Variants in NUP88 observed in about 807,000 individuals in gnomAD.
The protein encoded by NUP88 is nuclear pore complex protein Nup88.
A neutral mutation model predicts 93.9 loss-of-function variants in NUP88; 57 were observed. That is an observed-to-expected ratio of 0.61 (90% confidence interval 0.49 to 0.76). The LOEUF (loss-of-function observed/expected upper bound fraction) is 0.76. NUP88 is among the 30% of genes least tolerant of loss of function. The pLI is 0.00. For synonymous variants in NUP88, 346 were observed against 336.8 expected, an observed-to-expected ratio of 1.03 and a Z score of -0.30; for missense variants, 911 against 901.0, an observed-to-expected ratio of 1.01 and a Z score of -0.14.
chr17:5,395,183 C>G (rs1250909155), intron 8 of NUP88, among the ~76,000 whole-genome samples: 2 of 152,176 alleles, frequency 1.3e-5, no homozygotes, highest in Non-Finnish European at 2.9e-5. Context: ...TTCGTAATGT[C>G]TCTGAATGCA....
At chr17:5,412,569 T>C (rs1359774415) in intron 3 of NUP88, among the ~76,000 whole-genome samples, 8 of 152,090 alleles carry the variant, frequency 5.3e-5, no homozygotes, top group South Asian at 2.1e-4. Flanking sequence ...ATTCAGGGCA[T>C]AGAGAACTGA....
chr17:5,416,797 G>T, intron 1 of NUP88, 115 bp from the exon 2 acceptor site: 1 of 838,200 alleles, frequency 1.2e-6, no homozygotes. Context: ...ATAAAACTCT[G>T]GATAAGTACT....
At chr17:5,399,793 G>T in intron 7 of NUP88, 143 bp from the exon 8 acceptor site, 2 of 474,972 alleles carry the variant, frequency 4.2e-6, no homozygotes, top group Non-Finnish European at 3.8e-6. Flanking sequence ...ATTGTTAGGG[G>T]TTTTGAAATT....
At chr17:5,403,620 A>G (rs1273492789) in intron 7 of NUP88, among the ~76,000 whole-genome samples, 1 of 152,140 alleles carries the variant, frequency 6.6e-6, no homozygotes, top group East Asian at 1.9e-4. Flanking sequence ...AGATTGCGCC[A>G]TTAGACTCCA....
Position 5,388,892 on chromosome 17 carries a change from G to A in NUP88, c.1553C>T (p.Pro518Leu), listed in dbSNP as rs1459734079. The A allele has an allele frequency of 1.9e-6, 3 of 1,613,832 alleles. No homozygotes were observed. Among genetic ancestry groups the A allele is most frequent in the Admixed American group, 1.7e-5 (1 of 59,974 alleles). Residue 518 changes from proline (P) to leucine (L), a missense_variant, in exon 11 of 17, where the codon CCC (proline) becomes CTC (leucine). Transcript: ENST00000573584. ...TREDVEVAESPLRVLAETPDS... is the reference protein window; with the variant it reads ...TREDVEVAESLLRVLAETPDS... ...TGGGGTTTCAGCCAGAACACGGAGG[G>A]GAGACTCTGCCACTTCAACATCTTC... is the stretch of plus-strand genomic sequence containing the variant.
chr17:5,407,543 G>A (rs1242935787), intron 5 of NUP88, among the ~76,000 whole-genome samples: 1 of 152,154 alleles, frequency 6.6e-6, no homozygotes, highest in Non-Finnish European at 1.5e-5. Flanking sequence ...TTATGCCTCT[G>A]CAGTTTTCCC....
intron 11 of NUP88, 163 bp from the exon 12 acceptor site, chr17:5,388,067 C>T: frequency 5.2e-6 from 3 of 578,420 alleles, no homozygotes; most frequent in Non-Finnish European, 2.8e-6. Context: ...TTGGTGCTAT[C>T]TCGGCTCACT....
intron 16 of NUP88, 124 bp from the exon 17 acceptor site, chr17:5,386,393 G>A: frequency 2.6e-6 from 2 of 769,360 alleles, no homozygotes; most frequent in Non-Finnish European, 4.3e-6. Flanking sequence ...ACAGCTGAAG[G>A]TTTCAGGTGG....
In NUP88 at chr17:5,386,774, A is replaced by T; in HGVS notation, c.2096T>A (p.Leu699His). The T allele has an allele frequency of 1.9e-6, 3 of 1,614,102 alleles. No homozygotes were observed. Among genetic ancestry groups the T allele is most frequent in the Non-Finnish European group, 2.5e-6 (3 of 1,179,948 alleles). Residue 699 changes from leucine to histidine, a missense_variant, in exon 16 of 17, where the codon CTT (leucine) becomes CAT (histidine). Coordinates refer to ENST00000573584, the MANE Select transcript of NUP88 (RefSeq NM_002532.6). ...ACTGAGAATAATGGTGGGTTTTGGAAGACTCAACACCTTCTCCATCTTTTG... is the reference window on the plus strand; with the variant it reads ...ACTGAGAATAATGGTGGGTTTTGGATGACTCAACACCTTCTCCATCTTTTG... ...QQQKMEKVLS[L>H]PKPTIILSAY...
chr17:5,390,231 C>A (rs936519006), intron 10 of NUP88, among the ~76,000 whole-genome samples: 1 of 149,752 alleles, frequency 6.7e-6, no homozygotes, highest in Non-Finnish European at 1.5e-5. Flanking sequence ...CATATTTATT[C>A]TGAAGTAAGC....
At chr17:5,387,705 A>C (rs995078564) in intron 12 of NUP88, 35 bp from the exon 13 acceptor site, 1 of 1,608,778 alleles carries the variant, frequency 6.2e-7, no homozygotes, top group Non-Finnish European at 8.5e-7. Flanking sequence ...TTTATTCAGA[A>C]GCCAGGTCTA....
At chr17:5,414,196 G>C in intron 2 of NUP88, 62 bp from the exon 3 acceptor site, 1 of 1,506,016 alleles carries the variant, frequency 6.6e-7, no homozygotes, top group Non-Finnish European at 9.1e-7. Context: ...ATCTTCTAAA[G>C]GAACTTCTTT....
chr17:5,404,174 G>C lies in NUP88; in HGVS notation c.1117C>G (p.Leu373Val), dbSNP rs370948825. 41 of 1,613,932 alleles carry C rather than the reference G, an allele frequency of 2.5e-5. No individual in the cohort carries two copies. The highest frequency in any genetic ancestry group is 3.5e-5 in the Non-Finnish European group (41 of 1,179,924). ...LYVFECVELELALKLASGEDD... is the reference protein window; with the variant it reads ...LYVFECVELEVALKLASGEDD... ...TCTCCAGATGCCAGTTTCAAAGCAAGCTCCAACTCAACACATTCAAACACA... is the reference window on the plus strand; with the variant it reads ...TCTCCAGATGCCAGTTTCAAAGCAACCTCCAACTCAACACATTCAAACACA... The change falls in exon 7 of 17, where the codon CTT becomes GTT. Residue 373 changes from leucine to valine, a missense_variant. By Grantham distance (32) the Leu-to-Val change is conservative. Transcript: ENST00000573584.
At chr17:5,403,600 C>T (rs1196313614) in intron 7 of NUP88, among the ~76,000 whole-genome samples, 1 of 152,122 alleles carries the variant, frequency 6.6e-6, no homozygotes, top group African/African-American at 2.4e-5. Flanking sequence ...ATGGAGGTTG[C>T]AGTGAGTCGA....
intron 5 of NUP88, among the ~76,000 whole-genome samples, chr17:5,408,415 A>G (rs1410767442): frequency 6.6e-6 from 1 of 152,224 alleles, no homozygotes; most frequent in Non-Finnish European, 1.5e-5. Context: ...AAGATACCAG[A>G]TTACCACGCC....
Position 5,387,447 on chromosome 17 carries a change from C to T in NUP88, c.1855G>A (p.Ala619Thr). ...TCATATTTGTCAGCTAAACGCTCAG[C>T]CATTTCCCGCAGACTTTTCCTAATG... Reference protein sequence around the residue: ...REERKSLREMAERLADKYEEA... With the variant: ...REERKSLREMTERLADKYEEA... Residue 619 changes from alanine (A) to threonine (T), a missense_variant, in exon 14 of 17, where the codon GCT (alanine) becomes ACT (threonine). Ala to Thr is a moderately conservative substitution (Grantham distance 58). Transcript: ENST00000573584. 6.2e-7 allele frequency: 1 copy of T among 1,614,160 alleles called. No individual in the cohort carries two copies. Among genetic ancestry groups the T allele is most frequent in the Non-Finnish European group, 8.5e-7 (1 of 1,180,002 alleles).
chr17:5,387,432 C>T lies in NUP88; in HGVS notation c.1870G>A (p.Asp624Asn). ...TTTTCTTTAGCTTCCTCATATTTGT[C>T]AGCTAAACGCTCAGCCATTTCCCGC... The part of the protein sequence containing the change: ...SLREMAERLA[D>N]KYEEAKEKQE... Residue 624 changes from aspartate (D) to asparagine (N), a missense_variant, in exon 14 of 17, where the codon GAC becomes AAC. Coordinates refer to ENST00000573584, the MANE Select transcript of NUP88 (RefSeq NM_002532.6). 2 of 1,614,148 alleles carry T rather than the reference C, an allele frequency of 1.2e-6. No individual in the cohort carries two copies. The highest frequency in any genetic ancestry group is 1.7e-6 in the Non-Finnish European group (2 of 1,180,016).
chr17:5,412,662 C>CCA (rs1332249680), intron 3 of NUP88, among the ~76,000 whole-genome samples: 1 of 151,952 alleles, frequency 6.6e-6, no homozygotes, highest in African/African-American at 2.4e-5. Context: ...CCCCACCCCC[C>CCA]CACATACACA....
intron 5 of NUP88, among the ~76,000 whole-genome samples, chr17:5,406,194 T>C (rs1913478385): frequency 6.6e-6 from 1 of 152,114 alleles, no homozygotes; most frequent in Non-Finnish European, 1.5e-5. Context: ...GATACAAAGA[T>C]AATGAAGAAA....
Sources: gnomAD v4.1 joint callset for allele counts (sites outside exome capture counted in the v4.1 genomes callset) on GRCh38, gnomAD v4.1.1 for gene constraint, MANE v1.5 for transcripts, NCBI Gene and HGNC (gene_info 2026-07-23, HGNC 2026-07-21) for gene names.